ZNHIT6: variants seen among roughly 807,000 people sequenced by gnomAD.
ZNHIT6 encodes the protein box C/D snoRNA protein 1.
A neutral mutation model predicts 57.2 loss-of-function variants in ZNHIT6; 45 were observed. The ratio of observed to expected loss-of-function variants is 0.79; its 90% confidence interval spans 0.62 to 1.01. The LOEUF is 1.01. ZNHIT6 is among the 50% of genes least tolerant of loss of function. ZNHIT6 has a pLI of 0.00. For missense variants in ZNHIT6, 528 were observed against 567.3 expected (o/e 0.93, Z 0.70); for synonymous variants, 188 against 190.0 (o/e 0.99, Z 0.09).
At chr1:85,673,426 A>C (rs189063426) in intron 8 of ZNHIT6, among the ~76,000 whole-genome samples, 91 of 152,316 alleles carry the variant, frequency 6.0e-4, no homozygotes, top group African/African-American at 2.1e-3. Flanking sequence ...CAAAGCTAAA[A>C]CCTGGAAAAA....
chr1:85,653,157 T>C lies in ZNHIT6; in HGVS notation c.*901A>G, dbSNP rs1035045429. 6.6e-6 allele frequency: 1 copy of C among 152,176 alleles called. No individual in the cohort carries two copies. Among genetic ancestry groups the C allele is most frequent in the African/African-American group, 2.4e-5 (1 of 41,462 alleles). 9.4% of individuals were successfully genotyped at this position (152,176 alleles called of 1,614,324 possible). ...TGAGTAAGTAGATCCAAATTTGTTA[T>C]CACTAATGGCTCAAACAATGTGGAG... On this transcript the variant is annotated 3_prime_UTR_variant, in exon 10 of 10. Transcript: ENST00000370574.
chr1:85,657,363 AAATATAAT>A (rs1244286568), intron 9 of ZNHIT6, among the ~76,000 whole-genome samples: 2 of 151,970 alleles, frequency 1.3e-5, no homozygotes, highest in Admixed American at 6.6e-5. Context: ...CCAAATTTTT[AAATATAAT>A]GTTCCTTGCA....
intron 8 of ZNHIT6, among the ~76,000 whole-genome samples, chr1:85,661,141 TAAAG>T (rs1661209520): frequency 6.6e-6 from 1 of 152,224 alleles, no homozygotes; most frequent in African/African-American, 2.4e-5. Flanking sequence ...AAACTGTTCA[TAAAG>T]AAAGCCTATC....
chr1:85,655,861 T>C (rs1024566442), intron 9 of ZNHIT6, among the ~76,000 whole-genome samples: 2 of 152,184 alleles, frequency 1.3e-5, no homozygotes, highest in South Asian at 2.1e-4. Flanking sequence ...CTGATTAATA[T>C]AGGCAGACTC....
At chr1:85,681,945 G>T (rs990834113) in intron 5 of ZNHIT6, among the ~76,000 whole-genome samples, 1 of 150,206 alleles carries the variant, frequency 6.7e-6, no homozygotes, top group Non-Finnish European at 1.5e-5. Flanking sequence ...CTGTGAAATA[G>T]GAATACCATA....
At chr1:85,692,615 C>G (rs1019776417) in intron 5 of ZNHIT6, among the ~76,000 whole-genome samples, 1 of 151,982 alleles carries the variant, frequency 6.6e-6, no homozygotes. Flanking sequence ...CTCCTCATGA[C>G]CACAACTGCT....
chr1:85,678,334 C>T (rs1390789455), intron 7 of ZNHIT6, among the ~76,000 whole-genome samples: 2 of 152,132 alleles, frequency 1.3e-5, no homozygotes, highest in South Asian at 2.1e-4. Context: ...AGAGTAAAGA[C>T]TTTGACTCCA....
chr1:85,688,862 T>C (rs1290415876), intron 5 of ZNHIT6, among the ~76,000 whole-genome samples: 2 of 150,476 alleles, frequency 1.3e-5, no homozygotes, highest in African/African-American at 2.5e-5. Flanking sequence ...GAAAAAAAAA[T>C]GGGTCCTTGA....
At chr1:85,695,288 A>C (rs1221272747) in intron 5 of ZNHIT6, among the ~76,000 whole-genome samples, 7 of 152,182 alleles carry the variant, frequency 4.6e-5, no homozygotes, top group Middle Eastern at 3.4e-3. Context: ...GATGAAATAA[A>C]GATATTTTAA....
intron 5 of ZNHIT6, among the ~76,000 whole-genome samples, chr1:85,683,279 G>A (rs1248682656): frequency 1.3e-5 from 2 of 152,164 alleles, no homozygotes; most frequent in African/African-American, 4.8e-5. Flanking sequence ...AGCACTTTGG[G>A]AGGCCAAGGT....
chr1:85,680,846 T>C lies in ZNHIT6; in HGVS notation c.1078A>G (p.Ile360Val). The C allele has an allele frequency of 6.2e-7, 1 of 1,611,772 alleles. No individual in the cohort carries two copies. The highest frequency in any genetic ancestry group is 1.7e-4 in the Middle Eastern group (1 of 6,052). Residue 360 changes from isoleucine (I) to valine (V), a missense_variant, in exon 6 of 10, where the codon ATA becomes GTA. Transcript: ENST00000370574. ...LQFPQSQAEY[I>V]EKRVPDDKTI... The stretch of plus-strand genomic sequence containing the variant: ...AGATAGCAGTGATACCTTTTTTCTA[T>C]GTACTCAGCTTGACTTTGAGGAAAC...
At chr1:85,699,936 A>C (rs929790802) in intron 5 of ZNHIT6, among the ~76,000 whole-genome samples, 1 of 152,214 alleles carries the variant, frequency 6.6e-6, no homozygotes, top group Non-Finnish European at 1.5e-5. Context: ...TGTATTGCTA[A>C]ATGGAAAATC....
At chr1:85,689,381 A>G (rs983417105) in intron 5 of ZNHIT6, among the ~76,000 whole-genome samples, 3 of 152,192 alleles carry the variant, frequency 2.0e-5, no homozygotes, top group Non-Finnish European at 4.4e-5. Context: ...GTACCATGAT[A>G]AGTGTTTTTT....
chr1:85,668,104 T>TA (rs1661439384), intron 8 of ZNHIT6, among the ~76,000 whole-genome samples: 3 of 150,532 alleles, frequency 2.0e-5, no homozygotes, highest in Non-Finnish European at 3.0e-5. Flanking sequence ...AAATGTAATG[T>TA]AAAGTAAAAT....
At chr1:85,680,786 C>T (rs1451853913) in intron 6 of ZNHIT6, 50 bp downstream of exon 6, 2 of 1,391,594 alleles carry the variant, frequency 1.4e-6, no homozygotes, top group Non-Finnish European at 2.0e-6. Flanking sequence ...ATTTTAAATA[C>T]ACAGCCTTCA....
rs189676352 is a variant in ZNHIT6, at chr1:85,699,678, T to C, written c.1019+2479A>G. Among the ~76,000 whole-genome samples the C allele has an allele frequency of 9.5e-4, 145 of 152,284 alleles. No homozygotes were observed. In the Middle Eastern group the frequency reaches 0.017, roughly 18 times the overall value. ...AGTTTTTCTCAAAAGTTTAAATACATTGTACTCTCTAATCCAGTAATTCCG... is the reference window on the plus strand; with the variant it reads ...AGTTTTTCTCAAAAGTTTAAATACACTGTACTCTCTAATCCAGTAATTCCG... On this transcript the variant is annotated intron_variant, in intron 5 of 9. Coordinates refer to ENST00000370574, the MANE Select transcript of ZNHIT6 (RefSeq NM_017953.4).
intron 5 of ZNHIT6, among the ~76,000 whole-genome samples, chr1:85,688,921 C>G (rs1200109313): frequency 6.6e-6 from 1 of 152,178 alleles, no homozygotes; most frequent in Admixed American, 6.5e-5. Flanking sequence ...TCTGAACATT[C>G]AGTTATGAGA....
At chr1:85,664,786 A>G (rs919599581) in intron 8 of ZNHIT6, among the ~76,000 whole-genome samples, 3 of 151,970 alleles carry the variant, frequency 2.0e-5, no homozygotes, top group African/African-American at 7.2e-5. Flanking sequence ...AAAAAAAAAA[A>G]GTAAAGCTAA....
In ZNHIT6 at chr1:85,651,667, A is replaced by C. The variant is rs75943075; in HGVS notation, c.*2391T>G. On this transcript the variant is annotated 3_prime_UTR_variant, in exon 10 of 10. Coordinates refer to ENST00000370574, the MANE Select transcript of ZNHIT6 (RefSeq NM_017953.4). ...AAATCACTGTTTAAAAAAATAAAGA[A>C]AACCAGGTGGAGCTTTTCTCCTTTT... 2.9e-3 allele frequency: 397 copies of C among 135,810 alleles called. 3 individuals are homozygous for C. The highest frequency in any genetic ancestry group is 9.6e-3 in the African/African-American group (386 of 40,328). The allele number at this position is 135,810 out of a possible 1,614,324, so 8.4% of individuals were successfully genotyped here. A position where few individuals can be genotyped will look rare whatever the true frequency, so the allele number is the denominator to read the frequency against.
Sources: gnomAD v4.1 joint callset for allele counts (sites outside exome capture counted in the v4.1 genomes callset) on GRCh38, gnomAD v4.1.1 for gene constraint, MANE v1.5 for transcripts, NCBI Gene and HGNC (gene_info 2026-07-23, HGNC 2026-07-21) for gene names.